The following SMS variants were observed in gnomAD, a reference collection of about 807,000 sequenced individuals.
The protein encoded by SMS is spermine synthase.
SMS carries 3 observed loss-of-function variants against 33.0 expected under a neutral mutation model. The ratio of observed to expected loss-of-function variants is 0.09; its 90% CI spans 0.04 to 0.23. The LOEUF (loss-of-function observed/expected upper bound fraction) is 0.23, where lower values mean the gene tolerates loss of function less well. SMS is among the 10% of genes least tolerant of loss of function. The pLI is 1.00. For synonymous variants in SMS, 103 were observed against 112.2 expected (o/e 0.92, Z 0.52); for missense variants, 117 against 288.6 (o/e 0.41, Z 4.31).
intron 7 of SMS, among the ~76,000 whole-genome samples, chrX:21,980,439 T>A (rs1412166545): frequency 2.3e-5 from 2 of 86,622 alleles, no homozygotes; most frequent in Admixed American, 1.4e-4. Context: ...AATATATATA[T>A]ATATATATAT....
At chrX:21,941,196 T>C (rs1921738910) in intron 1 of SMS, 1 of 112,101 alleles carries the variant, frequency 8.9e-6, no homozygotes, top group South Asian at 3.4e-4. Context: ...GCTCGCCGCC[T>C]TCGCGCTCCC....
At chrX:21,987,177 A>G (rs1252135960) in intron 9 of SMS, among the ~76,000 whole-genome samples, 1 of 110,660 alleles carries the variant, frequency 9.0e-6, no homozygotes, top group Non-Finnish European at 1.9e-5. Flanking sequence ...TTGTATTTTT[A>G]GTAGAGATGG....
chrX:21,949,573 A>G (rs1316658025), intron 1 of SMS, among the ~76,000 whole-genome samples: 1 of 112,407 alleles, frequency 8.9e-6, no homozygotes, highest in Non-Finnish European at 1.9e-5. Flanking sequence ...TTGATTTAAG[A>G]TATCAATTAC....
chrX:21,947,128 T>A (rs747568414), intron 1 of SMS, among the ~76,000 whole-genome samples: 5 of 112,166 alleles, frequency 4.5e-5, no homozygotes, highest in African/African-American at 1.6e-4. Flanking sequence ...GTCTAAATAA[T>A]AAAACCTAAA....
intron 2 of SMS, among the ~76,000 whole-genome samples, 167 bp downstream of exon 2, chrX:21,967,483 C>G (rs1200767893): frequency 9.0e-6 from 1 of 111,240 alleles, no homozygotes; most frequent in Admixed American, 9.6e-5. Flanking sequence ...TCAGAATCTC[C>G]TGGTAGCGTT....
At chrX:21,944,970 G>A (rs184913401) in intron 1 of SMS, among the ~76,000 whole-genome samples, 1 of 111,990 alleles carries the variant, frequency 8.9e-6, no homozygotes, top group Admixed American at 9.5e-5. Context: ...CAGAGAGACT[G>A]TGTGTCAAAA....
chrX:21,989,836 G>A (rs983812471), intron 9 of SMS, among the ~76,000 whole-genome samples: 1 of 110,854 alleles, frequency 9.0e-6, no homozygotes, highest in African/African-American at 3.3e-5. Flanking sequence ...TTTGCCTCCC[G>A]GGTTCAAGCA....
At chrX:21,990,467 A>G (rs1925683321) in intron 9 of SMS, among the ~76,000 whole-genome samples, 1 of 112,186 alleles carries the variant, frequency 8.9e-6, no homozygotes, top group African/African-American at 3.2e-5. Flanking sequence ...ATTCTTTGCT[A>G]TTAGATTTTT....
At chrX:21,992,573 T>G (rs1437030108) in intron 9 of SMS, 24 bp from the exon 10 acceptor site, 1 of 1,027,226 alleles carries the variant, frequency 9.7e-7, no homozygotes, top group Admixed American at 2.2e-5. Flanking sequence ...AAGAATCCCA[T>G]TTGCTTATCT....
At chrX:21,964,360 C>G (rs1187061317) in intron 1 of SMS, among the ~76,000 whole-genome samples, 1 of 110,765 alleles carries the variant, frequency 9.0e-6, no homozygotes, top group African/African-American at 3.3e-5. Context: ...CTTGGAGGCT[C>G]TTTCATTTTG....
chrX:21,982,808 A>G (rs1005952946), intron 7 of SMS, among the ~76,000 whole-genome samples: 7 of 112,530 alleles, frequency 6.2e-5, no homozygotes, highest in African/African-American at 2.3e-4. Flanking sequence ...GTGTGAACGT[A>G]TGGAAAAAAT....
intron 7 of SMS, 81 bp downstream of exon 7, chrX:21,979,047 C>CT: frequency 1.5e-6 from 1 of 682,862 alleles, no homozygotes; most frequent in Non-Finnish European, 2.4e-6. Flanking sequence ...ATTAAAACAG[C>CT]TTTTAGTATA....
At chrX:21,977,016 G>A in intron 4 of SMS, 45 bp from the exon 5 acceptor site, 3 of 1,133,095 alleles carry the variant, frequency 2.6e-6, no homozygotes, top group Non-Finnish European at 3.6e-6. Context: ...CCACTTGTAA[G>A]GCAGTGTTCT....
rs982104309 is a variant in SMS at position 21,965,228 on chromosome X, G to T, written c.50-1968G>T. Among the ~76,000 whole-genome samples the T allele has an allele frequency of 2.7e-5, 3 of 111,919 alleles. No homozygotes were observed. In the Admixed American group the frequency reaches 2.8e-4, roughly 11 times the overall value. ...TTTTCCAAAGAAAGTCACATCCCCA[G>T]GTTCTGGAGATTAAGATGTGGATAT... On this transcript the variant is annotated intron_variant, in intron 1 of 10. Coordinates refer to ENST00000404933, the MANE Select transcript of SMS (RefSeq NM_004595.5).
intron 1 of SMS, among the ~76,000 whole-genome samples, chrX:21,958,687 G>GT (rs903115279): frequency 1.8e-5 from 2 of 112,012 alleles, no homozygotes; most frequent in African/African-American, 6.5e-5. Context: ...TTTCTGTTTT[G>GT]TTTTTTGAGG....
At chrX:21,960,301 T>C (rs1318216837) in intron 1 of SMS, among the ~76,000 whole-genome samples, 1 of 110,884 alleles carries the variant, frequency 9.0e-6, no homozygotes, top group East Asian at 2.8e-4. Context: ...ACTAAAAATA[T>C]GCTTGGCGAG....
At chrX:21,985,099 A>G in intron 8 of SMS, 45 bp from the exon 9 acceptor site, 1 of 814,823 alleles carries the variant, frequency 1.2e-6, no homozygotes, top group Non-Finnish European at 1.9e-6. Flanking sequence ...TGTTGTGGAT[A>G]CATACAAACC....
chrX:21,983,829 C>T (rs955055971), intron 7 of SMS, among the ~76,000 whole-genome samples: 1 of 110,694 alleles, frequency 9.0e-6, no homozygotes, highest in Non-Finnish European at 1.9e-5. Context: ...TCAAGACCAG[C>T]CTGGGCAACG....
At chrX:21,993,673 C>CT (rs987992456) in intron 10 of SMS, among the ~76,000 whole-genome samples, 2 of 112,374 alleles carry the variant, frequency 1.8e-5, no homozygotes, top group African/African-American at 6.5e-5. Context: ...ACTCCGCCTG[C>CT]TGGGTGGCCG....
Sources: gnomAD v4.1 joint callset for allele counts (sites outside exome capture counted in the v4.1 genomes callset) on GRCh38, gnomAD v4.1.1 for gene constraint, MANE v1.5 for transcripts, NCBI Gene and HGNC (gene_info 2026-07-23, HGNC 2026-07-21) for gene names.